ATRX: variants seen among roughly 807,000 people sequenced by gnomAD.
ATRX encodes ATRX chromatin remodeler.
In ATRX, 12 loss-of-function variants were observed where a neutral mutation model predicts 172.6. The observed-to-expected ratio is 0.07, with a 90% confidence interval of 0.04 to 0.11. ATRX has a LOEUF of 0.11. ATRX is among the 10% of genes least tolerant of loss of function. The probability of loss-of-function intolerance (pLI) is 1.00; values close to 1 mark genes in which losing one functional copy is unlikely to be tolerated. For synonymous variants in ATRX, 674 were observed against 594.7 expected (o/e 1.13, Z -1.94); for missense variants, 1,368 against 1,767.4 (o/e 0.77, Z 4.05).
chrX:77,765,812 G>A (rs1157631660), intron 1 of ATRX, among the ~76,000 whole-genome samples: 2 of 108,896 alleles, frequency 1.8e-5, no homozygotes, highest in African/African-American at 6.7e-5. Flanking sequence ...AAAGGTCTCT[G>A]GTTTTCCTAG....
At chrX:77,725,846 T>G (rs1464072816) in intron 1 of ATRX, among the ~76,000 whole-genome samples, 1 of 112,203 alleles carries the variant, frequency 8.9e-6, no homozygotes, top group Non-Finnish European at 1.9e-5. Flanking sequence ...AAGAAGACAT[T>G]TATGCAGCCA....
At position 77,593,770 on chromosome X, in the gene ATRX, C is replaced by T. The variant is rs376679217; in HGVS notation, c.6036G>A (p.Glu2012=). The change falls in exon 26 of 35, where the codon GAG becomes GAA. Residue 2012 remains glutamate (E), a synonymous_variant. Transcript: ENST00000373344. ...CCATTTTCCCAGAATGCTCTAAAAC[C>T]TCAGCATCAGCATCTGTAACAAAAT... ...YKDFVTDADA[E]VLEHSGKMVL... 23 of 1,208,280 alleles carry T rather than the reference C, an allele frequency of 1.9e-5. No individual in the cohort carries two copies. In the African/African-American group the frequency reaches 2.1e-4, roughly 11 times the overall value.
chrX:77,762,119 A>G (rs1428399503), intron 1 of ATRX, among the ~76,000 whole-genome samples: 1 of 109,280 alleles, frequency 9.2e-6, no homozygotes, highest in Non-Finnish European at 1.9e-5. Flanking sequence ...TGGCTAACAT[A>G]ATGAAACCCC....
At chrX:77,601,118 T>G (rs782780420) in intron 22 of ATRX, among the ~76,000 whole-genome samples, 1 of 111,182 alleles carries the variant, frequency 9.0e-6, no homozygotes, top group Non-Finnish European at 1.9e-5. Context: ...TAAATAAACT[T>G]TGCTCCATGC....
intron 10 of ATRX, chrX:77,674,931 G>A (rs1396608519): frequency 9.0e-6 from 1 of 111,350 alleles, no homozygotes; most frequent in Non-Finnish European, 1.9e-5. Flanking sequence ...TAAAAAAGTA[G>A]GCAAGCAGAA....
At chrX:77,618,256 C>T (rs1398167815) in intron 21 of ATRX, among the ~76,000 whole-genome samples, 3 of 111,683 alleles carry the variant, frequency 2.7e-5, no homozygotes, top group Admixed American at 9.6e-5. Flanking sequence ...TAACTGCCAG[C>T]TCAGTCTCTA....
chrX:77,620,275 AT>A lies in ATRX; in HGVS notation c.5272+119del. The A allele has an allele frequency of 8.0e-6, 6 of 753,274 alleles. No individual in the cohort carries two copies. The South Asian group carries it at 1.6e-4, about 20-fold the overall frequency. The allele number at this position is 753,274 out of a possible 1,213,427, so 62.1% of individuals were successfully genotyped here. ...TTTCACAGCAGACTAAGATGAACCT[AT>A]GTAGATCATGGTCTAGGACTATACT... On this transcript the variant is annotated intron_variant, in intron 20 of 34. Transcript: ENST00000373344.
Position 77,717,148 on chromosome X carries a change from G to C in ATRX, c.116C>G (p.Ala39Gly). 8.3e-7 allele frequency: 1 copy of C among 1,205,841 alleles called. No homozygotes were observed. The highest frequency in any genetic ancestry group is 1.1e-6 in the Non-Finnish European group (1 of 890,407). The change falls in exon 2 of 35, where the codon GCA becomes GGA. Residue 39 changes from alanine to glycine, a missense_variant. This residue lies in a region of ATRX where 84 missense variants were observed against 82.8 expected (regional missense o/e 1.01). Coordinates refer to ENST00000373344, the MANE Select transcript of ATRX (RefSeq NM_000489.6). ...SEETSSPPRL[A>G]MNQNTDKISG... ...CAATTTACCTGTGTTTTGATTCATT[G>C]CAAGTCGTGGAGGAGAACTTGTTTC...
chrX:77,723,333 C>T (rs2073872174), intron 1 of ATRX, among the ~76,000 whole-genome samples: 1 of 111,508 alleles, frequency 9.0e-6, no homozygotes, highest in Admixed American at 9.6e-5. Context: ...TAGATATACA[C>T]ATAAGAAAAA....
rs997922961 is a variant in ATRX, at chrX:77,734,849, G to A, written c.21-17606C>T. Among the ~76,000 whole-genome samples, 15 of 109,989 alleles carry A rather than the reference G, an allele frequency of 1.4e-4. No homozygotes were observed. The South Asian group carries it at 2.0e-3, about 14-fold the overall frequency. ...GTGCTGGCCCGGCACGGTGGCTCAC[G>A]CCTGTAATCCCAGTAATTTGGGGGG... On this transcript the variant is annotated intron_variant, in intron 1 of 34. Coordinates refer to ENST00000373344, the MANE Select transcript of ATRX (RefSeq NM_000489.6).
chrX:77,618,664 G>A (rs1327915563), intron 21 of ATRX, 142 bp downstream of exon 21: 1 of 567,970 alleles, frequency 1.8e-6, no homozygotes, highest in Non-Finnish European at 2.8e-6. Context: ...TTAAGACAAC[G>A]CAAGGAGATA....
chrX:77,724,939 C>T (rs1337917995), intron 1 of ATRX, among the ~76,000 whole-genome samples: 1 of 111,918 alleles, frequency 8.9e-6, no homozygotes, highest in Non-Finnish European at 1.9e-5. Context: ...TGAAAGGCAG[C>T]ACTCATTAAT....
intron 30 of ATRX, among the ~76,000 whole-genome samples, chrX:77,532,253 C>T (rs543036898): frequency 5.1e-4 from 57 of 110,873 alleles, no homozygotes; most frequent in South Asian, 2.3e-3. Context: ...TAAACTACCA[C>T]TGACAATTCT....
chrX:77,589,776 TATGGTATGTTTAAATC>T (rs1219859748), intron 27 of ATRX, 42 bp downstream of exon 27: 10 of 1,001,402 alleles, frequency 1.0e-5, no homozygotes, highest in Non-Finnish European at 1.4e-5. Flanking sequence ...AAAATGTTTG[TATGGTATGTTTAAATC>T]AGTATTTTTA....
intron 19 of ATRX, among the ~76,000 whole-genome samples, chrX:77,630,660 G>A (rs1232932381): frequency 2.7e-5 from 3 of 111,806 alleles, no homozygotes; most frequent in Non-Finnish European, 5.6e-5. Context: ...TTCAACAAAT[G>A]GTGTTAGAAC....
At chrX:77,646,919 T>A in intron 15 of ATRX, among the ~76,000 whole-genome samples, 1 of 105,243 alleles carries the variant, frequency 9.5e-6, no homozygotes, top group African/African-American at 3.5e-5. Context: ...CAAGACACTG[T>A]GTCTTTAAAA....
intron 4 of ATRX, 93 bp downstream of exon 4, chrX:77,697,490 T>C (rs1425196476): frequency 3.5e-6 from 3 of 858,557 alleles, no homozygotes; most frequent in East Asian, 3.1e-5. Flanking sequence ...CTCAGAATAG[T>C]GGTTGACATG....
chrX:77,561,456 CAAACAT>C (rs1557061942), intron 28 of ATRX, among the ~76,000 whole-genome samples: 2 of 110,816 alleles, frequency 1.8e-5, no homozygotes, highest in African/African-American at 6.5e-5. Flanking sequence ...ATGCTCAAAA[CAAACAT>C]AATTAAAATA....
chrX:77,753,196 G>A (rs1437906033), intron 1 of ATRX, among the ~76,000 whole-genome samples: 2 of 111,148 alleles, frequency 1.8e-5, no homozygotes, highest in African/African-American at 6.5e-5. Context: ...TTAGCCTTGG[G>A]AGGGTATATG....
Sources: gnomAD v4.1 joint callset for allele counts (sites outside exome capture counted in the v4.1 genomes callset) on GRCh38, gnomAD v4.1.1 for gene constraint, gnomAD v4.1.1 regional missense constraint, MANE v1.5 for transcripts, NCBI Gene and HGNC (gene_info 2026-07-23, HGNC 2026-07-21) for gene names.